NXT2: variants seen among roughly 807,000 people sequenced by gnomAD.
NXT2 encodes the protein NTF2-related export protein 2.
NXT2 carries 1 observed loss-of-function variant against 9.6 expected under a neutral mutation model. That is an observed-to-expected ratio of 0.10 (90% CI 0.04 to 0.49). The LOEUF is 0.49. Among genes scored for constraint, NXT2 ranks in the 20% least tolerant of loss-of-function variants. The pLI is 0.95. For synonymous variants in NXT2, 22 were observed against 35.4 expected (o/e 0.62, Z 1.34); for missense variants, 48 against 100.3 (o/e 0.48, Z 2.23).
rs1316576088 is a variant in NXT2, at chrX:109,537,090, G to A, written c.15+69G>A. The A allele has an allele frequency of 1.6e-5, 18 of 1,159,573 alleles. No individual in the cohort carries two copies. In the African/African-American group the frequency reaches 2.9e-4, roughly 18 times the overall value. ...AGTGGCTGAGAGGAGGGATTCCGGG[G>A]CGGTCTGGCTGCTGCTCACGTGGAT... On this transcript the variant is annotated intron_variant, in intron 1 of 3. Transcript: ENST00000372106.
intron 2 of NXT2, 135 bp downstream of exon 2, chrX:109,538,266 A>T (rs1933331373): frequency 2.4e-6 from 1 of 408,361 alleles, no homozygotes; most frequent in African/African-American, 2.5e-5. Flanking sequence ...CAAATTGCTC[A>T]GGGAAGGATT....
At position 109,544,656 on chromosome X, in the gene NXT2, A is replaced by C. The variant is rs1667192045; in HGVS notation, c.*1968A>C. 1 of 112,768 alleles carries C rather than the reference A, an allele frequency of 8.9e-6. No homozygotes were observed. The allele number at this position is 112,768 out of a possible 1,213,427, so 9.3% of individuals were successfully genotyped here. A position where few individuals can be genotyped will look rare whatever the true frequency, so the allele number is the denominator to read the frequency against. ...ATTTTTGACATGCTCCTATTTTTGT[A>C]ACTTGAAAAAATAAAATTTTGCCTT... is the stretch of plus-strand genomic sequence containing the variant. On this transcript the variant is annotated 3_prime_UTR_variant, in exon 4 of 4. Transcript: ENST00000372106.
In NXT2 at chrX:109,544,119, C is replaced by T. The variant is rs1933478454; in HGVS notation, c.*1431C>T. 1 of 112,555 alleles carries T rather than the reference C, an allele frequency of 8.9e-6. No individual in the cohort carries two copies. 9.3% of individuals were successfully genotyped at this position (112,555 alleles called of 1,213,427 possible). A position where few individuals can be genotyped will look rare whatever the true frequency, so the allele number is the denominator to read the frequency against. ...GTAAATAACCTAGGTTCAGCTTTTG[C>T]TTAAACATTAAATATCTTTTCCATT... On this transcript the variant is annotated 3_prime_UTR_variant, in exon 4 of 4. Coordinates refer to ENST00000372106, the MANE Select transcript of NXT2 (RefSeq NM_001242617.2).
Position 109,544,454 on chromosome X carries a change from T to G in NXT2, c.*1766T>G, listed in dbSNP as rs948049045. On this transcript the variant is annotated 3_prime_UTR_variant, in exon 4 of 4. Transcript: ENST00000372106. Reference sequence around the variant, plus strand: ...CAATCAGAATGTCCAAATGCTGTCCTTTCCCTTACAGAGAAGAACAATGGT... The same window carrying G: ...CAATCAGAATGTCCAAATGCTGTCCGTTCCCTTACAGAGAAGAACAATGGT... 3.5e-5 allele frequency: 4 copies of G among 112,706 alleles called. No homozygotes were observed. In the Admixed American group the frequency reaches 3.8e-4, roughly 11 times the overall value. 9.3% of individuals were successfully genotyped at this position (112,706 alleles called of 1,213,427 possible).
At chrX:109,538,273 G>A in intron 2 of NXT2, 142 bp downstream of exon 2, 1 of 392,539 alleles carries the variant, frequency 2.5e-6, no homozygotes, top group Admixed American at 4.8e-5. Context: ...CTCAGGGAAG[G>A]ATTGGTATGG....
chrX:109,539,363 A>G (rs937548106), intron 2 of NXT2, among the ~76,000 whole-genome samples: 3 of 112,337 alleles, frequency 2.7e-5, no homozygotes, highest in African/African-American at 9.7e-5. Context: ...TAGTAGAATC[A>G]TTTATAATAC....
chrX:109,537,258 C>T, intron 1 of NXT2: 4 of 999,898 alleles, frequency 4.0e-6, no homozygotes, highest in Non-Finnish European at 3.8e-6. Context: ...TAGCGAGAGG[C>T]GGGGATGTTG....
rs1569394931 is a variant in NXT2, at chrX:109,544,227, C to G, written c.*1539C>G. On this transcript the variant is annotated 3_prime_UTR_variant, in exon 4 of 4. Transcript: ENST00000372106. ...GTTTCTTTTCACTTAATTATAAAAC[C>G]AGTAATTCATTTACTCTTGCCCAAA... The G allele has an allele frequency of 8.9e-6, 1 of 112,445 alleles. No individual in the cohort carries two copies. The highest frequency in any genetic ancestry group is 1.9e-5 in the Non-Finnish European group (1 of 53,060). The allele number at this position is 112,445 out of a possible 1,213,427, so 9.3% of individuals were successfully genotyped here. A position where few individuals can be genotyped will look rare whatever the true frequency, so the allele number is the denominator to read the frequency against.
Position 109,543,085 on chromosome X carries a change from G to A in NXT2, c.*397G>A, listed in dbSNP as rs5943382. 0.42 allele frequency: 47,449 copies of A among 112,615 alleles called. 7,846 individuals are homozygous for A. The highest frequency in any genetic ancestry group is 0.6 in the African/African-American group (18,365 of 30,425). The allele number at this position is 112,615 out of a possible 1,213,427, so 9.3% of individuals were successfully genotyped here. A position where few individuals can be genotyped will look rare whatever the true frequency, so the allele number is the denominator to read the frequency against. On this transcript the variant is annotated 3_prime_UTR_variant, in exon 4 of 4. Coordinates refer to ENST00000372106, the MANE Select transcript of NXT2 (RefSeq NM_001242617.2). ...TTAGGTTAATTTTCTAGTAAAACAC[G>A]TTGCCTGTTTTCAGTTAACACTGGT...
chrX:109,539,423 G>A (rs1198856644), intron 2 of NXT2, among the ~76,000 whole-genome samples: 1 of 110,532 alleles, frequency 9.0e-6, no homozygotes, highest in Non-Finnish European at 1.9e-5. Context: ...GGTATTTCTG[G>A]TTCTAGTTCC....
chrX:109,543,314 T>A lies in NXT2; in HGVS notation c.*626T>A, dbSNP rs1012408945. 8.9e-6 allele frequency: 1 copy of A among 112,226 alleles called. No homozygotes were observed. The highest frequency in any genetic ancestry group is 3.2e-5 in the African/African-American group (1 of 30,819). The allele number at this position is 112,226 out of a possible 1,213,427, so 9.2% of individuals were successfully genotyped here. A position where few individuals can be genotyped will look rare whatever the true frequency, so the allele number is the denominator to read the frequency against. ...AGGTGCAAAACGTTCTCAGTTGATATCTGAGTATTGGGTGCATTTGGTGGC... is the reference window on the plus strand; with the variant it reads ...AGGTGCAAAACGTTCTCAGTTGATAACTGAGTATTGGGTGCATTTGGTGGC... On this transcript the variant is annotated 3_prime_UTR_variant, in exon 4 of 4. Transcript: ENST00000372106.
rs1933286945 is a variant in NXT2 at position 109,536,918 on chromosome X, A to G, written c.-89A>G. The G allele has an allele frequency of 2.5e-6, 3 of 1,208,973 alleles. No homozygotes were observed. The East Asian group carries it at 8.9e-5, about 36-fold the overall frequency. On this transcript the variant is annotated 5_prime_UTR_variant, in exon 1 of 4. The change abolishes the stop of an existing upstream ORF in the 5' untranslated region. Transcript: ENST00000372106. ...TTTGGCGGGTTTCGCTCTCTTCATA[A>G]GTATTGATCATTCCGCAGCCCTGCG... is the stretch of plus-strand genomic sequence containing the variant.
Position 109,542,854 on chromosome X carries a change from C to T in NXT2, c.*166C>T, listed in dbSNP as rs1933449808. 1 of 364,238 alleles carries T rather than the reference C, an allele frequency of 2.7e-6. No individual in the cohort carries two copies. The highest frequency in any genetic ancestry group is 2.6e-5 in the African/African-American group (1 of 38,321). 30.0% of individuals were successfully genotyped at this position (364,238 alleles called of 1,213,427 possible). A position where few individuals can be genotyped will look rare whatever the true frequency, so the allele number is the denominator to read the frequency against. On this transcript the variant is annotated 3_prime_UTR_variant, in exon 4 of 4. Coordinates refer to ENST00000372106, the MANE Select transcript of NXT2 (RefSeq NM_001242617.2). ...AGCAGCTGCCAGTTTGGAGCATTGC[C>T]CTCTAAGAGCTTTAAAACTATTTTT...
chrX:109,541,019 TA>T (rs1933407071), intron 2 of NXT2, among the ~76,000 whole-genome samples: 1 of 112,011 alleles, frequency 8.9e-6, no homozygotes, highest in African/African-American at 3.2e-5. Flanking sequence ...ATGCAAATAT[TA>T]AATGTTTCAT....
At chrX:109,538,955 G>A (rs1219950606) in intron 2 of NXT2, among the ~76,000 whole-genome samples, 1 of 111,172 alleles carries the variant, frequency 9.0e-6, no homozygotes. Flanking sequence ...CACGTGCCAA[G>A]GTGGTTTGCT....
At position 109,538,056 on chromosome X, in the gene NXT2, T is replaced by G. The variant is rs1175823073; in HGVS notation, c.27T>G (p.Thr9=). 3 of 1,193,606 alleles carry G rather than the reference T, an allele frequency of 2.5e-6. No homozygotes were observed. The highest frequency in any genetic ancestry group is 1.1e-6 in the Non-Finnish European group (1 of 879,870). MATSLDFK[T]YVDQACRAAE... is the part of the protein sequence containing the mutation. The stretch of plus-strand genomic sequence containing the variant: ...AATTTTTCTTGTAGGATTTTAAAAC[T>G]TATGTAGATCAGGCATGTAGAGCTG... The change falls in exon 2 of 4, where the codon ACT becomes ACG. Residue 9 remains threonine (T), a synonymous_variant. Transcript: ENST00000372106.
At chrX:109,537,559 CGT>C (rs111431650) in intron 1 of NXT2, 8,212 of 119,485 alleles carry the variant, frequency 0.069, 652 homozygotes, top group African/African-American at 0.23. Flanking sequence ...GAACTACTTT[CGT>C]GTGTGTGTGT....
intron 3 of NXT2, 97 bp from the exon 4 acceptor site, chrX:109,542,410 A>T: frequency 1.4e-6 from 1 of 719,937 alleles, no homozygotes; most frequent in Non-Finnish European, 1.9e-6. Context: ...AAAAAATTTT[A>T]AGCATTAGTC....
rs1241547445 is a variant in NXT2, at chrX:109,543,522, C to T, written c.*834C>T. 1 of 111,901 alleles carries T rather than the reference C, an allele frequency of 8.9e-6. No individual in the cohort carries two copies. Among genetic ancestry groups the T allele is most frequent in the African/African-American group, 3.2e-5 (1 of 30,790 alleles). The allele number at this position is 111,901 out of a possible 1,213,427, so 9.2% of individuals were successfully genotyped here. A position where few individuals can be genotyped will look rare whatever the true frequency, so the allele number is the denominator to read the frequency against. ...GTAAACTATTGGTACTTGTTTTCTA[C>T]CTCCTAAAAATGTAGCTTATTTTTA... On this transcript the variant is annotated 3_prime_UTR_variant, in exon 4 of 4. Transcript: ENST00000372106.
Sources: allele counts gnomAD v4.1 joint callset (sites outside exome capture counted in the v4.1 genomes callset), GRCh38; gene constraint gnomAD v4.1.1; transcripts MANE v1.5; gene names NCBI Gene and HGNC (gene_info 2026-07-23, HGNC 2026-07-21).